The following DNAH7 variants were observed in gnomAD, a reference collection of about 807,000 sequenced individuals.
DNAH7 encodes the protein axonemal beta dynein heavy chain 7.
In DNAH7, 397 loss-of-function variants were observed where a neutral mutation model predicts 444.6. The observed-to-expected ratio is 0.89, with a 90% CI of 0.82 to 0.97. The LOEUF is 0.97. Among genes scored for constraint, DNAH7 ranks in the 50% least tolerant of loss-of-function variants. The pLI is 0.00. For missense variants in DNAH7, 4,902 were observed against 4,800.8 expected, an observed-to-expected ratio of 1.02 and a Z score of -0.62; for synonymous variants, 1,636 against 1,624.4, an observed-to-expected ratio of 1.01 and a Z score of -0.17.
chr2:195,801,322 CATAA>C (rs1209437081), intron 54 of DNAH7, among the ~76,000 whole-genome samples: 2 of 151,892 alleles, frequency 1.3e-5, no homozygotes, highest in East Asian at 1.9e-4. Context: ...ACAAAATTGT[CATAA>C]ATATTTGTTG....
chr2:195,786,129 G>A (rs1695610679), intron 58 of DNAH7, among the ~76,000 whole-genome samples: 1 of 152,146 alleles, frequency 6.6e-6, no homozygotes, highest in Non-Finnish European at 1.5e-5. Context: ...TGAACTCTCA[G>A]TATTTATTTT....
intron 63 of DNAH7, among the ~76,000 whole-genome samples, chr2:195,748,974 A>C (rs1209192320): frequency 6.6e-6 from 1 of 152,192 alleles, no homozygotes; most frequent in Admixed American, 6.5e-5. Flanking sequence ...ACAAAGCCAA[A>C]ATTGACAAAT....
chr2:195,999,722 GAAAAAT>G (rs1380757501), intron 12 of DNAH7, among the ~76,000 whole-genome samples: 1 of 151,952 alleles, frequency 6.6e-6, no homozygotes, highest in Non-Finnish European at 1.5e-5. Flanking sequence ...TGGAATTCCT[GAAAAAT>G]AAAAATAGAA....
At chr2:195,965,072 T>C (rs2125548143) in intron 17 of DNAH7, among the ~76,000 whole-genome samples, 1 of 152,328 alleles carries the variant, frequency 6.6e-6, no homozygotes, top group Admixed American at 6.5e-5. Flanking sequence ...TCTTTCAGTT[T>C]TTCCCCATTC....
chr2:195,759,330 CT>C (rs1165333759), intron 61 of DNAH7, among the ~76,000 whole-genome samples: 3 of 152,130 alleles, frequency 2.0e-5, no homozygotes, highest in African/African-American at 7.2e-5. Context: ...GAAGTGCCCA[CT>C]CCTGGTGGGA....
intron 40 of DNAH7, among the ~76,000 whole-genome samples, chr2:195,865,226 T>C (rs978774092): frequency 2.0e-5 from 3 of 152,224 alleles, no homozygotes; most frequent in Admixed American, 1.3e-4. Flanking sequence ...AATAAGGTTA[T>C]AGTCAGTTAT....
chr2:195,901,875 G>T (rs949631114), intron 27 of DNAH7: 1 of 151,956 alleles, frequency 6.6e-6, no homozygotes, highest in Admixed American at 6.6e-5. Flanking sequence ...AAAATACTGA[G>T]GTTATATGAT....
rs188942926 is a variant in DNAH7, at chr2:196,056,305, C to T, written c.78+1749G>A. Among the ~76,000 whole-genome samples, 415 of 150,738 alleles carry T rather than the reference C, an allele frequency of 2.8e-3. 2 individuals are homozygous for T. Among genetic ancestry groups the T allele is most frequent in the Non-Finnish European group, 4.7e-3 (320 of 67,834 alleles). On this transcript the variant is annotated intron_variant, in intron 2 of 64. Transcript: ENST00000312428. Reference sequence around the variant, plus strand: ...ACTAAAAATACAAAAATTAGGCAGGCGTGGTGGCATACACCTGTAATCCCA... The same window carrying T: ...ACTAAAAATACAAAAATTAGGCAGGTGTGGTGGCATACACCTGTAATCCCA...
In DNAH7 at chr2:195,818,339, A is replaced by C. The variant is rs553953751; in HGVS notation, c.9292-510T>G. On this transcript the variant is annotated intron_variant, in intron 49 of 64. Transcript: ENST00000312428. ...TTGTCATGAGTGAAGTATTTTTACAATCTGATAATCAGCCACTATTGTGAA... is the reference window on the plus strand; with the variant it reads ...TTGTCATGAGTGAAGTATTTTTACACTCTGATAATCAGCCACTATTGTGAA... 3.0e-3 allele frequency among the ~76,000 whole-genome samples: 456 copies of C among 152,342 alleles called. 1 individual carries two copies. The highest frequency in any genetic ancestry group is 5.1e-3 in the Non-Finnish European group (347 of 68,032).
intron 7 of DNAH7, among the ~76,000 whole-genome samples, chr2:196,024,886 C>T (rs889556921): frequency 2.7e-5 from 4 of 150,872 alleles, no homozygotes; most frequent in Admixed American, 2.6e-4. Context: ...TACACTTGGC[C>T]CTCTGTATCT....
chr2:196,007,656 T>C (rs1226983418), intron 10 of DNAH7, among the ~76,000 whole-genome samples: 1 of 152,154 alleles, frequency 6.6e-6, no homozygotes, highest in Non-Finnish European at 1.5e-5. Context: ...TGTACTCTTC[T>C]TGTGGTAGTG....
At chr2:195,765,042 C>T (rs1694509818) in intron 61 of DNAH7, among the ~76,000 whole-genome samples, 1 of 151,998 alleles carries the variant, frequency 6.6e-6, no homozygotes, top group Admixed American at 6.6e-5. Flanking sequence ...AACAGACACA[C>T]AGCCCAATAG....
chr2:195,897,986 C>G (rs1457656210), intron 28 of DNAH7, among the ~76,000 whole-genome samples: 1 of 152,054 alleles, frequency 6.6e-6, no homozygotes, highest in African/African-American at 2.4e-5. Flanking sequence ...GTTAAACTAA[C>G]TACCTTTTCA....
rs528415105 is a variant in DNAH7 at position 195,887,451 on chromosome 2, T to C, written c.5406+807A>G. Among the ~76,000 whole-genome samples, 106 of 152,300 alleles carry C rather than the reference T, an allele frequency of 7.0e-4. 1 individual carries two copies. The highest frequency in any genetic ancestry group is 2.5e-3 in the African/African-American group (104 of 41,560). ...TCTTCCCTCTTTCCTCTCTCTTGTC[T>C]AAGTCACTCATGTACCTGTGAGTCT... On this transcript the variant is annotated intron_variant, in intron 33 of 64. Transcript: ENST00000312428.
intron 32 of DNAH7, 138 bp from the exon 33 acceptor site, chr2:195,888,572 AT>A: frequency 9.6e-7 from 1 of 1,041,010 alleles, no homozygotes; most frequent in East Asian, 2.8e-5. Context: ...CATGATGTCG[AT>A]TTTTGTGTCT....
At chr2:195,871,875 G>A (rs1487508298) in intron 40 of DNAH7, among the ~76,000 whole-genome samples, 3 of 72,566 alleles carry the variant, frequency 4.1e-5, no homozygotes, top group Non-Finnish European at 6.6e-5. Context: ...AGCTTGCAGT[G>A]AGCCGAGATC....
chr2:195,832,409 T>C (rs548955557), intron 48 of DNAH7, among the ~76,000 whole-genome samples: 3 of 152,202 alleles, frequency 2.0e-5, no homozygotes, highest in South Asian at 2.1e-4. Flanking sequence ...AATTACTTAA[T>C]GTTTTGGGTT....
intron 47 of DNAH7, among the ~76,000 whole-genome samples, chr2:195,841,905 T>C (rs1033493156): frequency 6.6e-6 from 1 of 151,974 alleles, no homozygotes; most frequent in African/African-American, 2.4e-5. Context: ...AACATGGACT[T>C]CTAACAGTGA....
At chr2:195,853,221 G>A (rs1699489940) in intron 46 of DNAH7, 122 bp downstream of exon 46, 2 of 795,162 alleles carry the variant, frequency 2.5e-6, no homozygotes, top group Admixed American at 7.2e-5. Context: ...CAGAAATCAT[G>A]CAAAAATACC....
Sources: allele counts gnomAD v4.1 joint callset (sites outside exome capture counted in the v4.1 genomes callset), GRCh38; gene constraint gnomAD v4.1.1; transcripts MANE v1.5; gene names NCBI Gene and HGNC (gene_info 2026-07-23, HGNC 2026-07-21).